The following IL12RB2 variants were observed in gnomAD, a reference collection of about 807,000 sequenced individuals.
IL12RB2 encodes the protein interleukin-12 receptor subunit beta-2.
In IL12RB2, 82 loss-of-function variants were observed where a neutral mutation model predicts 89.4. That is an observed-to-expected ratio of 0.92 (90% CI 0.77 to 1.10). IL12RB2 has a LOEUF of 1.10. Among genes scored for constraint, IL12RB2 ranks in the 50% least tolerant of loss-of-function variants. The pLI is 0.00. For synonymous variants in IL12RB2, 368 were observed against 370.1 expected (o/e 0.99, Z 0.07); for missense variants, 963 against 1,031.9 (o/e 0.93, Z 0.92).
At chr1:67,318,514 G>C (rs928255961) in intron 2 of IL12RB2, among the ~76,000 whole-genome samples, 6 of 152,126 alleles carry the variant, frequency 3.9e-5, no homozygotes, top group Admixed American at 3.3e-4. Context: ...ATGGAGAGAA[G>C]TGCATTGATC....
chr1:67,314,980 T>A (rs571066033), intron 2 of IL12RB2, among the ~76,000 whole-genome samples: 1 of 152,208 alleles, frequency 6.6e-6, no homozygotes, highest in Non-Finnish European at 1.5e-5. Flanking sequence ...AGGCAGGGTA[T>A]GTGAAGGATG....
Position 67,395,769 on chromosome 1 carries a change from C to T in IL12RB2, c.2269C>T (p.Gln757Ter), listed in dbSNP as rs575902328. Residue 757 changes from glutamine (Q) to a stop codon, truncating the protein, a stop_gained, in exon 17 of 17, where the codon CAA becomes TAA. Coordinates refer to ENST00000674203, the MANE Select transcript of IL12RB2 (RefSeq NM_001374259.2). LOFTEE classifies it low-confidence loss of function (END_TRUNC). ...AAGCCCACCACCTCCAAGAGCTCTC[C>T]AAGCTGAGAGCAGACAACTGGTGGA... ...ASSPPPPRAL[Q>*]AESRQLVDLY... The T allele has an allele frequency of 3.1e-6, 5 of 1,613,434 alleles. No homozygotes were observed. Among genetic ancestry groups the T allele is most frequent in the Non-Finnish European group, 4.2e-6 (5 of 1,179,310 alleles).
chr1:67,325,954 C>G (rs945762534), intron 4 of IL12RB2, among the ~76,000 whole-genome samples: 3 of 152,180 alleles, frequency 2.0e-5, no homozygotes, highest in Admixed American at 2.0e-4. Context: ...AAAATACACA[C>G]CTTACAATAG....
chr1:67,363,211 ATTT>A (rs199805464), intron 10 of IL12RB2, among the ~76,000 whole-genome samples: 12,445 of 96,974 alleles, frequency 0.13, 878 homozygotes, highest in African/African-American at 0.25. Flanking sequence ...AATTATTCTT[ATTT>A]TTTTTTTTTT....
intron 16 of IL12RB2, among the ~76,000 whole-genome samples, chr1:67,392,870 C>T (rs760742596): frequency 6.6e-5 from 10 of 151,982 alleles, no homozygotes; most frequent in African/African-American, 1.7e-4. Context: ...GTGATCCACC[C>T]GCCTCAGCCT....
chr1:67,359,903 T>C (rs998123846), intron 10 of IL12RB2, among the ~76,000 whole-genome samples: 5 of 151,948 alleles, frequency 3.3e-5, no homozygotes, highest in Non-Finnish European at 7.4e-5. Context: ...ATTGAAGAGA[T>C]AGACAGGTAA....
chr1:67,398,526 T>C lies in IL12RB2; in HGVS notation c.*2437T>C, dbSNP rs965538978. 1.3e-5 allele frequency among the ~76,000 whole-genome samples: 2 copies of C among 151,940 alleles called. No individual in the cohort carries two copies. The highest frequency in any genetic ancestry group is 2.9e-5 in the Non-Finnish European group (2 of 67,966). ...CCAAAAAAAAAAAAGAATTTTTTTT[T>C]TTTTAAGGAATCCTTCCTTGACTCC... is the stretch of plus-strand genomic sequence containing the variant. On this transcript the variant is annotated 3_prime_UTR_variant, in exon 17 of 17. Transcript: ENST00000674203.
intron 2 of IL12RB2, among the ~76,000 whole-genome samples, chr1:67,316,624 C>T (rs1655807196): frequency 6.6e-6 from 1 of 152,160 alleles, no homozygotes; most frequent in Non-Finnish European, 1.5e-5. Context: ...CTAATTTCAT[C>T]ACATACCATT....
In IL12RB2 at chr1:67,397,994, GCTT is replaced by G. The variant is rs547184199; in HGVS notation, c.*1910_*1912del. Among the ~76,000 whole-genome samples, 1 of 152,214 alleles carries G rather than the reference GCTT, an allele frequency of 6.6e-6. No homozygotes were observed. Among genetic ancestry groups the G allele is most frequent in the Non-Finnish European group, 1.5e-5 (1 of 68,034 alleles). On this transcript the variant is annotated 3_prime_UTR_variant, in exon 17 of 17. Coordinates refer to ENST00000674203, the MANE Select transcript of IL12RB2 (RefSeq NM_001374259.2). Reference sequence around the variant, plus strand: ...AAACTGAGCGATGGACAGTTGCTCTGCTTCTTCAGGTTGGAACTCTTGATACAT... The same window carrying G: ...AAACTGAGCGATGGACAGTTGCTCTGCTTCAGGTTGGAACTCTTGATACAT...
chr1:67,335,528 T>C (rs954679907), intron 8 of IL12RB2, among the ~76,000 whole-genome samples: 5 of 152,244 alleles, frequency 3.3e-5, no homozygotes, highest in Admixed American at 2.0e-4. Flanking sequence ...CCTACAGTTT[T>C]TTCCTTTACA....
chr1:67,372,734 T>C lies in IL12RB2; in HGVS notation c.1668T>C (p.Tyr556=), dbSNP rs2101017075. The C allele has an allele frequency of 1.9e-6, 3 of 1,607,822 alleles. No homozygotes were observed. Among genetic ancestry groups the C allele is most frequent in the East Asian group, 2.2e-5 (1 of 44,840 alleles). ...AGCAAATGGGCTGCCTCCTCCATTA[T>C]AGGATATACTGGAAGGAACGGGACT... ...VQEQMGCLLH[Y]RIYWKERDSN... is the part of the protein sequence containing the mutation. The change falls in exon 13 of 17, where the codon TAT becomes TAC. Residue 556 remains tyrosine, a synonymous_variant. Transcript: ENST00000674203.
Position 67,395,970 on chromosome 1 carries a change from C to A in IL12RB2, c.2470C>A (p.Pro824Thr). The A allele has an allele frequency of 6.2e-7, 1 of 1,605,748 alleles. No individual in the cohort carries two copies. Among genetic ancestry groups the A allele is most frequent in the Non-Finnish European group, 8.5e-7 (1 of 1,172,308 alleles). ...PLADSLEELE[P>T]QHISLSVFPS... ...CGCTGACTCTCTGGAAGAACTGGAG[C>A]CTCAGCACATCTCCCTTTCTGTTTT... The change falls in exon 17 of 17, where the codon CCT becomes ACT. Residue 824 changes from proline to threonine, a missense_variant. Coordinates refer to ENST00000674203, the MANE Select transcript of IL12RB2 (RefSeq NM_001374259.2).
chr1:67,362,572 CAAA>C (rs956277979), intron 10 of IL12RB2, among the ~76,000 whole-genome samples: 1 of 43,342 alleles, frequency 2.3e-5, no homozygotes, highest in Non-Finnish European at 4.3e-5. Context: ...GACTCCGTCT[CAAA>C]AAAAAAAAAA....
intron 8 of IL12RB2, among the ~76,000 whole-genome samples, chr1:67,335,905 T>A (rs1569864807): frequency 6.6e-6 from 1 of 152,348 alleles, no homozygotes; most frequent in Admixed American, 6.5e-5. Flanking sequence ...TACTTGCAAT[T>A]TACCTTGTGA....
In IL12RB2 at chr1:67,372,612, C is replaced by T. The variant is rs367737231; in HGVS notation, c.1559-13C>T. 6.2e-7 allele frequency: 1 copy of T among 1,613,172 alleles called. No individual in the cohort carries two copies. Among genetic ancestry groups the T allele is most frequent in the Non-Finnish European group, 8.5e-7 (1 of 1,179,148 alleles). ...TGGAGGGTGACAGAAGCCTCCTGTG[C>T]CCTACTTTACAGCACCACTGAGTGG... On this transcript the variant is annotated splice_polypyrimidine_tract_variant and intron_variant, in intron 12 of 16. Transcript: ENST00000674203.
chr1:67,309,383 C>A (rs1654720323), intron 1 of IL12RB2, among the ~76,000 whole-genome samples: 1 of 152,152 alleles, frequency 6.6e-6, no homozygotes, highest in African/African-American at 2.4e-5. Context: ...CTTATAACCA[C>A]CTCCACTTGA....
intron 10 of IL12RB2, among the ~76,000 whole-genome samples, chr1:67,363,046 G>C (rs1051977589): frequency 2.0e-5 from 3 of 151,396 alleles, no homozygotes; most frequent in African/African-American, 7.3e-5. Context: ...GGGATTACAG[G>C]CACACGCCAC....
At chr1:67,384,637 G>A (rs1415755027) in intron 14 of IL12RB2, among the ~76,000 whole-genome samples, 1 of 152,156 alleles carries the variant, frequency 6.6e-6, no homozygotes, top group East Asian at 1.9e-4. Context: ...GAATCATCAG[G>A]CTGCAAATTT....
intron 10 of IL12RB2, among the ~76,000 whole-genome samples, chr1:67,357,439 A>G (rs1661525956): frequency 2.0e-5 from 3 of 152,238 alleles, no homozygotes; most frequent in Admixed American, 2.0e-4. Context: ...ATTAAAGAAA[A>G]TGATTTCAGT....
Sources: allele counts gnomAD v4.1 joint callset (sites outside exome capture counted in the v4.1 genomes callset), GRCh38; gene constraint gnomAD v4.1.1; transcripts MANE v1.5; gene names NCBI Gene and HGNC (gene_info 2026-07-23, HGNC 2026-07-21).